The following TNC variants were observed in gnomAD, a reference collection of about 807,000 sequenced individuals.
TNC encodes tenascin.
TNC carries 109 observed loss-of-function variants against 202.4 expected under a neutral mutation model. The ratio of observed to expected loss-of-function variants is 0.54; its 90% CI spans 0.46 to 0.63. The LOEUF (loss-of-function observed/expected upper bound fraction) is 0.63. Among genes scored for constraint, TNC ranks in the 30% least tolerant of loss-of-function variants. The probability of loss-of-function intolerance (pLI) is 0.00; values close to 1 mark genes in which losing one functional copy is unlikely to be tolerated. For synonymous variants in TNC, 1,007 were observed against 1,089.7 expected (o/e 0.92, Z 1.50); for missense variants, 2,756 against 2,833.3 (o/e 0.97, Z 0.62).
chr9:115,024,229 G>T (rs10982498), intron 26 of TNC, 93 bp from the exon 27 acceptor site: 1 of 1,382,654 alleles, frequency 7.2e-7, no homozygotes. Context: ...CAATTGAAAG[G>T]TTCTGGGTGT....
At chr9:115,050,929 T>G (rs1564440071) in intron 15 of TNC, among the ~76,000 whole-genome samples, 1 of 152,188 alleles carries the variant, frequency 6.6e-6, no homozygotes, top group Non-Finnish European at 1.5e-5. Flanking sequence ...CTCAAAATCC[T>G]CACTCTTCCA....
chr9:115,050,119 GC>G (rs1240095137), intron 15 of TNC, among the ~76,000 whole-genome samples: 1 of 152,128 alleles, frequency 6.6e-6, no homozygotes, highest in Non-Finnish European at 1.5e-5. Flanking sequence ...TAGATAAGTG[GC>G]ATCTCTCTTT....
intron 20 of TNC, among the ~76,000 whole-genome samples, chr9:115,037,161 C>T (rs1830395011): frequency 6.6e-6 from 1 of 152,174 alleles, no homozygotes; most frequent in Admixed American, 6.5e-5. Context: ...TGTGCTCTGT[C>T]CTCAAAAAGA....
chr9:115,093,774 G>A (rs1353351351), intron 1 of TNC, among the ~76,000 whole-genome samples: 2 of 152,090 alleles, frequency 1.3e-5, no homozygotes, highest in African/African-American at 4.8e-5. Context: ...AAGAGTTTAG[G>A]GTAATAATGA....
chr9:115,046,565 G>T lies in TNC; in HGVS notation c.4970C>A (p.Thr1657Asn), dbSNP rs745672568. 4 of 1,613,912 alleles carry T rather than the reference G, an allele frequency of 2.5e-6. No individual in the cohort carries two copies. The African/African-American group carries it at 5.3e-5, about 22-fold the overall frequency. The change falls in exon 17 of 28, where the codon ACC (threonine) becomes AAC (asparagine). Residue 1657 changes from threonine to asparagine, a missense_variant. Physicochemically the swap from Thr to Asn is moderately conservative, Grantham distance 65. Around this residue, in one of 2 missense-constraint regions of TNC, gnomAD observed 2,559 missense variants for 2,546.0 expected, o/e 1.01. Transcript: ENST00000350763. ...FDNFVLKIRD[T>N]KKQSEPLEIT... ...TTCCAGTGGCTCAGACTGCTTTTTG[G>T]TATCTCTGATTTTGAGAACAAAATT...
chr9:115,062,894 A>G (rs1321676036), intron 13 of TNC, 23 bp downstream of exon 13: 3 of 1,600,398 alleles, frequency 1.9e-6, no homozygotes, highest in Non-Finnish European at 1.7e-6. Context: ...TCATGTCTCC[A>G]GTCTGGGAGG....
chr9:115,036,357 G>T, intron 20 of TNC, 116 bp from the exon 21 acceptor site: 1 of 1,163,000 alleles, frequency 8.6e-7, no homozygotes, highest in Non-Finnish European at 1.2e-6. Flanking sequence ...TGACCCTGCG[G>T]AAAAGCAGGT....
intron 15 of TNC, among the ~76,000 whole-genome samples, chr9:115,055,251 A>G (rs1434633895): frequency 6.6e-6 from 1 of 152,096 alleles, no homozygotes; most frequent in African/African-American, 2.4e-5. Context: ...AAACAGAACA[A>G]CTCCAGATGT....
At chr9:115,099,821 A>C (rs1836090388) in intron 1 of TNC, among the ~76,000 whole-genome samples, 1 of 152,208 alleles carries the variant, frequency 6.6e-6, no homozygotes. Context: ...TCTATAAGAC[A>C]AATCTGGGAA....
At chr9:115,021,434 T>C (rs1055210861) in intron 27 of TNC, among the ~76,000 whole-genome samples, 167 bp from the exon 28 acceptor site, 1 of 152,212 alleles carries the variant, frequency 6.6e-6, no homozygotes, top group Admixed American at 6.5e-5. Context: ...CCTATCTCTC[T>C]GTTGGTCTGG....
chr9:115,045,595 T>C (rs911703300), intron 17 of TNC, among the ~76,000 whole-genome samples: 8 of 143,342 alleles, frequency 5.6e-5, no homozygotes, highest in Admixed American at 7.6e-5. Flanking sequence ...TTGCCTAGGC[T>C]GGTCTCAAAC....
chr9:115,076,421 G>T lies in TNC; in HGVS notation c.2829C>A (p.Ser943Arg), dbSNP rs780418831. 2 of 1,613,880 alleles carry T rather than the reference G, an allele frequency of 1.2e-6. No homozygotes were observed. Among genetic ancestry groups the T allele is most frequent in the Non-Finnish European group, 1.7e-6 (2 of 1,179,964 alleles). ...GTGTGGTTTTGGTTGTGGCTTGTTG[G>T]CTCTTTGGAACATCAACCTCAGCGT... ...GDHAEVDVPK[S>R]QQATTKTTLT... The change falls in exon 8 of 28, where the codon AGC becomes AGA. Residue 943 changes from serine to arginine, a missense_variant. By Grantham distance (110) the Ser-to-Arg change is moderately radical. This residue lies in a region of TNC where 2,559 missense variants were observed against 2,546.0 expected (regional missense o/e 1.01). Transcript: ENST00000350763.
At chr9:115,036,424 G>T (rs774867302) in intron 20 of TNC, among the ~76,000 whole-genome samples, 183 bp from the exon 21 acceptor site, 1 of 152,046 alleles carries the variant, frequency 6.6e-6, no homozygotes, top group Admixed American at 6.5e-5. Flanking sequence ...CACCTCATAC[G>T]TAAAGGATTT....
At chr9:115,042,101 TAAAG>T in intron 18 of TNC, 114 bp downstream of exon 18, 8 of 1,435,222 alleles carry the variant, frequency 5.6e-6, no homozygotes, top group Non-Finnish European at 7.5e-6. Context: ...GTCTCACAAA[TAAAG>T]AATTCATTTT....
rs2131956173 is a variant in TNC, at chr9:115,041,078, G to T, written c.5255C>A (p.Pro1752His). The stretch of plus-strand genomic sequence containing the variant: ...GGTTCCGTCCACAGTTACCATGGAG[G>T]GTGTACCTGGAACACAGTAAAAGCA... ...ITYVPITGGTPSMVTVDGTKT... is the reference protein window; with the variant it reads ...ITYVPITGGTHSMVTVDGTKT... Residue 1752 changes from proline (P) to histidine (H), a missense_variant, in exon 19 of 28, where the codon CCC becomes CAC. Transcript: ENST00000350763. The T allele has an allele frequency of 6.2e-7, 1 of 1,612,468 alleles. No individual in the cohort carries two copies. Among genetic ancestry groups the T allele is most frequent in the East Asian group, 2.2e-5 (1 of 44,844 alleles).
At chr9:115,065,671 G>A (rs118116849) in intron 10 of TNC, among the ~76,000 whole-genome samples, 1 of 151,942 alleles carries the variant, frequency 6.6e-6, no homozygotes, top group Admixed American at 6.6e-5. Flanking sequence ...AGAGGCCAAG[G>A]TGGGCAGATC....
intron 20 of TNC, 144 bp from the exon 21 acceptor site, chr9:115,036,385 T>TCGACCACCGAGATCTA: frequency 1.1e-6 from 1 of 881,042 alleles, no homozygotes; most frequent in Admixed American, 2.3e-5. Flanking sequence ...CTGAAATGAC[T>TCGACCACCGAGATCTA]CACGCTCTCT....
Position 115,076,479 on chromosome 9 carries a change from C to A in TNC, c.2771G>T (p.Arg924Ile), listed in dbSNP as rs1287365330. The A allele has an allele frequency of 1.9e-6, 3 of 1,614,208 alleles. No homozygotes were observed. The Admixed American group carries it at 5.0e-5, about 27-fold the overall frequency. Reference sequence around the variant, plus strand: ...TCCAGAGATGGGGGCATACTTAATTCTGTAACTGTCAATAGCTGCCTTGCC... The same window carrying A: ...TCCAGAGATGGGGGCATACTTAATTATGTAACTGTCAATAGCTGCCTTGCC... ...RNGKAAIDSY[R>I]IKYAPISGGD... The change falls in exon 8 of 28, where the codon AGA (arginine) becomes ATA (isoleucine). Residue 924 changes from arginine to isoleucine, a missense_variant. Coordinates refer to ENST00000350763, the MANE Select transcript of TNC (RefSeq NM_002160.4).
At chr9:115,046,841 C>G (rs1254239171) in intron 16 of TNC, among the ~76,000 whole-genome samples, 159 bp from the exon 17 acceptor site, 2 of 152,162 alleles carry the variant, frequency 1.3e-5, no homozygotes, top group Admixed American at 1.3e-4. Context: ...TCAACATTAA[C>G]AAGTCCAGTA....
Sources: gnomAD v4.1 joint callset for allele counts (sites outside exome capture counted in the v4.1 genomes callset) on GRCh38, gnomAD v4.1.1 for gene constraint, gnomAD v4.1.1 regional missense constraint, MANE v1.5 for transcripts, NCBI Gene and HGNC (gene_info 2026-07-23, HGNC 2026-07-21) for gene names.